TTC13: variants seen among roughly 807,000 people sequenced by gnomAD.
TTC13 encodes tetratricopeptide repeat protein 13.
In TTC13, 62 loss-of-function variants were observed where a neutral mutation model predicts 120.0. That is an observed-to-expected ratio of 0.52 (90% CI 0.42 to 0.64). TTC13 has a LOEUF of 0.64. TTC13 is among the 30% of genes least tolerant of loss of function. TTC13 has a pLI of 0.00. For missense variants in TTC13, 824 were observed against 1,050.2 expected (o/e 0.78, Z 2.98); for synonymous variants, 384 against 393.5 (o/e 0.98, Z 0.28).
In TTC13 at chr1:230,916,254, G is replaced by A. The variant is rs776501575; in HGVS notation, c.2032C>T (p.Pro678Ser). The A allele has an allele frequency of 1.8e-4, 292 of 1,613,968 alleles. No individual in the cohort carries two copies. The highest frequency in any genetic ancestry group is 2.4e-4 in the Non-Finnish European group (281 of 1,179,996). ...TCCTTCCCTTGGTCTTTAAGGCTGG[G>A]AACTTTTGTGTTCACGGTGAACCCA... ...KDGFTVNTKV[P>S]SLKDQGKEYD... The change falls in exon 18 of 23, where the codon CCC becomes TCC. Residue 678 changes from proline to serine, a missense_variant. Pro to Ser is a moderately conservative substitution (Grantham distance 74, BLOSUM62 -1). Transcript: ENST00000366661.
At chr1:230,910,321 C>T (rs1239963678) in intron 20 of TTC13, among the ~76,000 whole-genome samples, 1 of 152,166 alleles carries the variant, frequency 6.6e-6, no homozygotes, top group East Asian at 1.9e-4. Context: ...AAAAGAGCCA[C>T]GGAAGAGAGC....
rs779058077 is a variant in TTC13, at chr1:230,925,113, C to T, written c.1589-140G>A. On this transcript the variant is annotated intron_variant, in intron 13 of 22. Transcript: ENST00000366661. ...TGGTGATATAACAAGACCCAAGGCA[C>T]GTTTCAGTCATGATGGTCCTACTAA... 28 of 1,084,912 alleles carry T rather than the reference C, an allele frequency of 2.6e-5. No individual in the cohort carries two copies. In the East Asian group the frequency reaches 3.9e-4, roughly 15 times the overall value. The allele number at this position is 1,084,912 out of a possible 1,614,324, so 67.2% of individuals were successfully genotyped here. A position where few individuals can be genotyped will look rare whatever the true frequency, so the allele number is the denominator to read the frequency against.
At chr1:230,914,329 G>A (rs902817168) in intron 18 of TTC13, among the ~76,000 whole-genome samples, 2 of 151,984 alleles carry the variant, frequency 1.3e-5, no homozygotes, top group African/African-American at 4.8e-5. Flanking sequence ...AAGATAGTAA[G>A]GATAAAGACC....
At chr1:230,967,443 C>A (rs1341299751) in intron 1 of TTC13, among the ~76,000 whole-genome samples, 1 of 151,912 alleles carries the variant, frequency 6.6e-6, no homozygotes, top group Non-Finnish European at 1.5e-5. Flanking sequence ...GGAGAGCTTG[C>A]TGACCTTTAT....
intron 1 of TTC13, among the ~76,000 whole-genome samples, chr1:230,972,341 C>T (rs1275353728): frequency 6.6e-6 from 1 of 152,206 alleles, no homozygotes; most frequent in East Asian, 1.9e-4. Flanking sequence ...GCTATCTACA[C>T]TTAGGACATA....
chr1:230,923,015 T>A (rs1672729786), intron 15 of TTC13, among the ~76,000 whole-genome samples: 1 of 152,178 alleles, frequency 6.6e-6, no homozygotes, highest in East Asian at 1.9e-4. Context: ...TTCTAGAAAT[T>A]AAAAAAATAA....
At chr1:230,939,319 A>G (rs1430749079) in intron 8 of TTC13, 67 bp downstream of exon 8, 2 of 982,040 alleles carry the variant, frequency 2.0e-6, no homozygotes, top group Non-Finnish European at 3.1e-6. Context: ...CAATCAAACG[A>G]AATTCCTCCC....
chr1:230,936,619 T>C (rs181825702), intron 8 of TTC13: 134 of 184,522 alleles, frequency 7.3e-4, no homozygotes, highest in African/African-American at 3.1e-3. Flanking sequence ...ATATAACCCC[T>C]GGATTAGATA....
intron 4 of TTC13, among the ~76,000 whole-genome samples, chr1:230,951,768 GTAAT>G (rs1196467178): frequency 1.1e-5 from 1 of 88,594 alleles, no homozygotes; most frequent in Non-Finnish European, 2.5e-5. Context: ...AAAGAAAAGA[GTAAT>G]TAGATTTAGA....
chr1:230,951,898 AT>A (rs1299915380), intron 4 of TTC13, among the ~76,000 whole-genome samples: 1 of 152,224 alleles, frequency 6.6e-6, no homozygotes, highest in African/African-American at 2.4e-5. Context: ...TTCTTTGGAC[AT>A]TTGCTATCAC....
intron 8 of TTC13, among the ~76,000 whole-genome samples, chr1:230,938,335 G>C (rs115711582): frequency 6.6e-6 from 1 of 152,082 alleles, no homozygotes; most frequent in East Asian, 1.9e-4. Context: ...GGCCTTGAGC[G>C]GCACTAAGGA....
intron 2 of TTC13, among the ~76,000 whole-genome samples, chr1:230,960,407 G>A (rs1572276476): frequency 6.6e-6 from 1 of 152,318 alleles, no homozygotes; most frequent in South Asian, 2.1e-4. Flanking sequence ...CCAACTCACT[G>A]CTTTACAAGA....
Position 230,911,504 on chromosome 1 carries a change from A to C in TTC13, c.2275T>G (p.Phe759Val). The C allele has an allele frequency of 6.2e-7, 1 of 1,606,476 alleles. No homozygotes were observed. The highest frequency in any genetic ancestry group is 2.2e-5 in the East Asian group (1 of 44,644). Reference protein sequence around the residue: ...CNLILSLVYYFYNLMPLSRGS... With the variant: ...CNLILSLVYYVYNLMPLSRGS... ...CGAGAGAGTGGCATTAAATTATAAA[A>C]GTAATAAACTAAGGATAAGATTAAG... The change falls in exon 20 of 23, where the codon TTT (phenylalanine) becomes GTT (valine). Residue 759 changes from phenylalanine to valine, a missense_variant. Physicochemically the swap from Phe to Val is conservative, Grantham distance 50. Coordinates refer to ENST00000366661, the MANE Select transcript of TTC13 (RefSeq NM_024525.5).
chr1:230,936,035 G>A lies in TTC13; in HGVS notation c.901-2174C>T, dbSNP rs1396581704. ...CCAAGTAAGGAAGTACAGGAGAAAG[G>A]GCAGCTGCAGGTGGGGATGGGGTGG... On this transcript the variant is annotated intron_variant, in intron 8 of 22. Coordinates refer to ENST00000366661, the MANE Select transcript of TTC13 (RefSeq NM_024525.5). The A allele has an allele frequency of 7.8e-5, 29 of 371,398 alleles. 1 individual carries two copies. The highest frequency in any genetic ancestry group is 5.6e-4 in the South Asian group (28 of 49,758). 23.0% of individuals were successfully genotyped at this position (371,398 alleles called of 1,614,324 possible). A position where few individuals can be genotyped will look rare whatever the true frequency, so the allele number is the denominator to read the frequency against.
At chr1:230,909,067 G>A in intron 20 of TTC13, 47 bp from the exon 21 acceptor site, 2 of 1,495,016 alleles carry the variant, frequency 1.3e-6, no homozygotes, top group Non-Finnish European at 1.8e-6. Context: ...ACGGTCTACA[G>A]TTACCATGTT....
intron 2 of TTC13, among the ~76,000 whole-genome samples, chr1:230,958,608 A>G (rs1676328731): frequency 6.6e-6 from 1 of 152,252 alleles, no homozygotes; most frequent in South Asian, 2.1e-4. Flanking sequence ...GATGATATAC[A>G]GCTGGGTGTG....
In TTC13 at chr1:230,961,186, G is replaced by C. The variant is rs753787442; in HGVS notation, c.366+23C>G. On this transcript the variant is annotated intron_variant, in intron 2 of 22. Transcript: ENST00000366661. ...CACTGGGCTTCAGGTTACAAAAACA[G>C]AACACAGAGAGAAGATGCATACCAG... The C allele has an allele frequency of 6.3e-6, 10 of 1,592,910 alleles. No homozygotes were observed. In the Admixed American group the frequency reaches 8.4e-5, roughly 13 times the overall value.
Position 230,940,705 on chromosome 1 carries a change from G to A in TTC13, c.673-149C>T, listed in dbSNP as rs1674457906. 1.7e-6 allele frequency: 1 copy of A among 574,338 alleles called. No homozygotes were observed. Among genetic ancestry groups the A allele is most frequent in the Admixed American group, 2.9e-5 (1 of 34,718 alleles). The allele number at this position is 574,338 out of a possible 1,614,324, so 35.6% of individuals were successfully genotyped here. On this transcript the variant is annotated intron_variant, in intron 6 of 22. Coordinates refer to ENST00000366661, the MANE Select transcript of TTC13 (RefSeq NM_024525.5). The surrounding 1 kb of genome is among the most constrained non-coding windows in gnomAD (Gnocchi z 4.1). ...TCCTTGACCCCCTATATTATGCGGT[G>A]GGGTTCAAAGTCAACCAGCTGAGGT...
At chr1:230,962,290 C>T (rs974695325) in intron 1 of TTC13, among the ~76,000 whole-genome samples, 3 of 151,556 alleles carry the variant, frequency 2.0e-5, no homozygotes, top group African/African-American at 4.8e-5. Flanking sequence ...TAAAACAACA[C>T]AATTTTAAAA....
Sources: allele counts gnomAD v4.1 joint callset (sites outside exome capture counted in the v4.1 genomes callset), GRCh38; gene constraint gnomAD v4.1.1; non-coding constraint Gnocchi (gnomAD v3.1); transcripts MANE v1.5; gene names NCBI Gene and HGNC (gene_info 2026-07-23, HGNC 2026-07-21).